RBPMS: variants seen among roughly 807,000 people sequenced by gnomAD.
RBPMS encodes the protein RNA-binding protein with multiple splicing.
A neutral mutation model predicts 26.8 loss-of-function variants in RBPMS; 7 were observed. The ratio of observed to expected loss-of-function variants is 0.26; its 90% confidence interval spans 0.15 to 0.49. The LOEUF is 0.49. RBPMS is among the 20% of genes least tolerant of loss of function. RBPMS has a pLI of 0.98. For missense variants in RBPMS, 186 were observed against 250.0 expected, an observed-to-expected ratio of 0.74 and a Z score of 1.73; for synonymous variants, 96 against 93.3, an observed-to-expected ratio of 1.03 and a Z score of -0.17.
chr8:30,426,425 G>A (rs1235150184), intron 1 of RBPMS, among the ~76,000 whole-genome samples: 3 of 152,110 alleles, frequency 2.0e-5, no homozygotes, highest in Non-Finnish European at 2.9e-5. Context: ...CTGTTTAGAC[G>A]GGAGGCTTTT....
chr8:30,420,963 CATT>C (rs760876741), intron 1 of RBPMS, among the ~76,000 whole-genome samples: 1 of 152,098 alleles, frequency 6.6e-6, no homozygotes, highest in Non-Finnish European at 1.5e-5. Context: ...ATTTTAGTGA[CATT>C]ATCAGTTAAA....
At chr8:30,561,725 T>C (rs1463282829) in intron 7 of RBPMS, among the ~76,000 whole-genome samples, 1 of 152,104 alleles carries the variant, frequency 6.6e-6, no homozygotes, top group Admixed American at 6.6e-5. Flanking sequence ...AAGTCAAGCA[T>C]GGTGAGAGAA....
intron 4 of RBPMS, among the ~76,000 whole-genome samples, chr8:30,494,683 T>A (rs1194927030): frequency 6.6e-6 from 1 of 152,170 alleles, no homozygotes; most frequent in Non-Finnish European, 1.5e-5. Context: ...GATGTCTCTT[T>A]TATAATTGTG....
At chr8:30,496,244 C>A (rs904237199) in intron 4 of RBPMS, among the ~76,000 whole-genome samples, 2 of 151,714 alleles carry the variant, frequency 1.3e-5, no homozygotes, top group Admixed American at 1.3e-4. Flanking sequence ...TCTCAGCTCA[C>A]TGTAATCTCC....
chr8:30,439,917 C>T (rs1393286863), intron 1 of RBPMS, among the ~76,000 whole-genome samples: 7 of 152,098 alleles, frequency 4.6e-5, no homozygotes, highest in East Asian at 1.9e-4. Context: ...CAGTGGCTTA[C>T]GCCTGTAATC....
intron 6 of RBPMS, chr8:30,545,258 T>G (rs1825777268): frequency 6.5e-6 from 8 of 1,224,568 alleles, no homozygotes; most frequent in African/African-American, 1.6e-5. Context: ...CTTTCTTAGT[T>G]AAAAATAGCC....
intron 1 of RBPMS, among the ~76,000 whole-genome samples, chr8:30,408,848 C>G (rs916264658): frequency 6.6e-6 from 1 of 152,210 alleles, no homozygotes; most frequent in Non-Finnish European, 1.5e-5. Context: ...ATTAACCAAT[C>G]AGTCACCATT....
chr8:30,411,995 AAAAAAAC>A (rs1277200157), intron 1 of RBPMS, among the ~76,000 whole-genome samples: 176 of 151,616 alleles, frequency 1.2e-3, no homozygotes, highest in African/African-American at 3.9e-3. Context: ...CAAAAAAAAA[AAAAAAAC>A]AAAAACAAAA....
At chr8:30,515,950 C>T (rs867106239) in intron 5 of RBPMS, among the ~76,000 whole-genome samples, 2 of 152,230 alleles carry the variant, frequency 1.3e-5, no homozygotes, top group African/African-American at 4.8e-5. Context: ...TACCTGGCCC[C>T]TTACCTTTTT....
intron 1 of RBPMS, among the ~76,000 whole-genome samples, chr8:30,461,885 C>G (rs1371970566): frequency 6.6e-6 from 1 of 152,312 alleles, no homozygotes; most frequent in South Asian, 2.1e-4. Flanking sequence ...AGTTACAGAA[C>G]AAGTCCCCAC....
intron 4 of RBPMS, among the ~76,000 whole-genome samples, chr8:30,501,086 C>A (rs1017786841): frequency 1.3e-5 from 2 of 152,162 alleles, no homozygotes; most frequent in Admixed American, 6.5e-5. Flanking sequence ...AGCAAATCCT[C>A]CAAGTTGATG....
intron 1 of RBPMS, among the ~76,000 whole-genome samples, chr8:30,412,419 G>T (rs1046464053): frequency 1.3e-5 from 2 of 151,432 alleles, no homozygotes; most frequent in African/African-American, 4.9e-5. Context: ...ATGGGCTCAG[G>T]TTTCTTATTT....
intron 5 of RBPMS, among the ~76,000 whole-genome samples, chr8:30,527,609 G>A (rs1429239120): frequency 1.3e-5 from 2 of 152,110 alleles, no homozygotes; most frequent in Non-Finnish European, 2.9e-5. Flanking sequence ...CACTGTGTGT[G>A]CTGTGGGCTT....
At chr8:30,390,917 T>C (rs548005110) in intron 1 of RBPMS, among the ~76,000 whole-genome samples, 6 of 152,202 alleles carry the variant, frequency 3.9e-5, no homozygotes, top group Non-Finnish European at 7.3e-5. Flanking sequence ...GGTTGGTGAT[T>C]ATGAGTTTGT....
At chr8:30,504,508 A>T in intron 5 of RBPMS, 72 bp downstream of exon 5, 1 of 1,458,404 alleles carries the variant, frequency 6.9e-7, no homozygotes, top group South Asian at 1.3e-5. Flanking sequence ...GTGAGGTTAC[A>T]CCATGGGACA....
chr8:30,441,299 C>T (rs1189091078), intron 1 of RBPMS, among the ~76,000 whole-genome samples: 3 of 152,038 alleles, frequency 2.0e-5, no homozygotes, highest in Admixed American at 2.0e-4. Context: ...AAACTTACAG[C>T]GGGTCTGGTG....
At chr8:30,409,740 C>G (rs980710379) in intron 1 of RBPMS, among the ~76,000 whole-genome samples, 8 of 152,102 alleles carry the variant, frequency 5.3e-5, no homozygotes, top group African/African-American at 1.7e-4. Context: ...TCAAGCGATT[C>G]TCCTGCCTCA....
chr8:30,476,374 T>A (rs542776795), intron 2 of RBPMS, among the ~76,000 whole-genome samples: 2 of 152,210 alleles, frequency 1.3e-5, no homozygotes, highest in Non-Finnish European at 2.9e-5. Context: ...GTGTTTTACT[T>A]GAGTGAAATA....
chr8:30,454,954 C>G (rs1027973862), intron 1 of RBPMS, among the ~76,000 whole-genome samples: 1 of 152,186 alleles, frequency 6.6e-6, no homozygotes, highest in Non-Finnish European at 1.5e-5. Flanking sequence ...TCCCAAGTAG[C>G]TGGGATTACA....
Sources: allele counts gnomAD v4.1 joint callset (sites outside exome capture counted in the v4.1 genomes callset), GRCh38; gene constraint gnomAD v4.1.1; transcripts MANE v1.5; gene names NCBI Gene and HGNC (gene_info 2026-07-23, HGNC 2026-07-21).